The following APBA3 variants were observed in gnomAD, a reference collection of about 807,000 sequenced individuals.
APBA3 encodes the protein amyloid beta precursor protein binding family A member 3.
A neutral mutation model predicts 55.9 loss-of-function variants in APBA3; 45 were observed. The observed-to-expected ratio is 0.80, with a 90% CI of 0.63 to 1.03. The LOEUF (loss-of-function observed/expected upper bound fraction) is 1.03, where lower values mean the gene tolerates loss of function less well. APBA3 is among the 50% of genes least tolerant of loss of function. APBA3 has a pLI of 0.00. For missense variants in APBA3, 865 were observed against 820.3 expected, an observed-to-expected ratio of 1.05 and a Z score of -0.67; for synonymous variants, 370 against 353.3, an observed-to-expected ratio of 1.05 and a Z score of -0.53.
At chr19:3,751,398 A>C (rs2145715003) in intron 9 of APBA3, 36 bp downstream of exon 9, 2 of 1,510,678 alleles carry the variant, frequency 1.3e-6, no homozygotes, top group Non-Finnish European at 1.8e-6. Flanking sequence ...GGGCCGCCCT[A>C]CCCCCCCACC....
At chr19:3,752,008 A>G (rs1190186612) in intron 8 of APBA3, 3 of 194,728 alleles carry the variant, frequency 1.5e-5, no homozygotes, top group Non-Finnish European at 3.1e-5. Flanking sequence ...CCAGGAGCTC[A>G]AGACCAGCCT....
chr19:3,754,733 C>T (rs57394966), intron 3 of APBA3: 4,863 of 174,888 alleles, frequency 0.028, 280 homozygotes, highest in African/African-American at 0.11. Flanking sequence ...GTGGTGTGAT[C>T]TCAGCTCACT....
chr19:3,755,837 T>A (rs2368928), intron 3 of APBA3: 1 of 149,892 alleles, frequency 6.7e-6, no homozygotes, highest in African/African-American at 2.5e-5. Flanking sequence ...AGCTTTACTC[T>A]CATGGTTCTA....
chr19:3,751,332 G>C lies in APBA3; in HGVS notation c.1516-3C>G, dbSNP rs1171450133. 1 of 1,531,678 alleles carries C rather than the reference G, an allele frequency of 6.5e-7. No homozygotes were observed. Among genetic ancestry groups the C allele is most frequent in the Admixed American group, 2.0e-5 (1 of 50,862 alleles). The allele number at this position is 1,531,678 out of a possible 1,614,324, so 94.9% of individuals were successfully genotyped here. ...CCACCACGGAGGAGGCTGCAGATCT[G>C]GGGGAGAAAAGAGGGGGACGGGAAA... is the stretch of plus-strand genomic sequence containing the variant. On this transcript the variant is annotated splice_region_variant and splice_polypyrimidine_tract_variant and intron_variant, in intron 9 of 10. Transcript: ENST00000316757.
rs765233251 is a variant in APBA3, at chr19:3,760,015, G to A, written c.250C>T (p.His84Tyr). ...GCCAGGCCATGGCCTGTGGCAATGT[G>A]TAGGGGACAGGGGGCTCCACCTGGG... is the stretch of plus-strand genomic sequence containing the variant. Reference protein sequence around the residue: ...PSPGGAPCPLHIATGHGLASQ... With the variant: ...PSPGGAPCPLYIATGHGLASQ... Residue 84 changes from histidine (H) to tyrosine (Y), a missense_variant, in exon 2 of 11, where the codon CAC becomes TAC. Transcript: ENST00000316757. 2 of 1,612,956 alleles carry A rather than the reference G, an allele frequency of 1.2e-6. No individual in the cohort carries two copies. Among genetic ancestry groups the A allele is most frequent in the South Asian group, 2.2e-5 (2 of 91,070 alleles).
chr19:3,759,944 A>G lies in APBA3; in HGVS notation c.321T>C (p.Ala107=), dbSNP rs914827827. 16 of 1,609,820 alleles carry G rather than the reference A, an allele frequency of 9.9e-6. No homozygotes were observed. Among genetic ancestry groups the G allele is most frequent in the Non-Finnish European group, 1.3e-5 (15 of 1,178,974 alleles). ...ADAHGLLSAE[A]GRDDLLGLLH... ...AGAGGCCCAGCAGGTCATCCCGGCC[A>G]GCTTCGGCAGACAGGAGCCCGTGGG... Residue 107 remains alanine, a synonymous_variant, in exon 2 of 11, where the codon GCT becomes GCC. Coordinates refer to ENST00000316757, the MANE Select transcript of APBA3 (RefSeq NM_004886.4).
rs200604142 is a variant in APBA3 at position 3,759,929 on chromosome 19, C to A, written c.336G>T (p.Leu112=). Residue 112 remains leucine, a synonymous_variant, in exon 2 of 11, where the codon CTG becomes CTT. Transcript: ENST00000316757. ...ATTCCTCGCAGTGCAAGAGGCCCAG[C>A]AGGTCATCCCGGCCAGCTTCGGCAG... The part of the protein sequence containing the change: ...LLSAEAGRDD[L]LGLLHCEECP... 1 of 1,610,968 alleles carries A rather than the reference C, an allele frequency of 6.2e-7. No homozygotes were observed. The highest frequency in any genetic ancestry group is 1.3e-5 in the African/African-American group (1 of 74,860).
At chr19:3,753,425 T>C in intron 6 of APBA3, 2 of 355,518 alleles carry the variant, frequency 5.6e-6, no homozygotes, top group Non-Finnish European at 1.0e-5. Context: ...GGTGGATCGC[T>C]TGAGCCCAGG....
At chr19:3,753,326 G>T in intron 6 of APBA3, 1 of 436,280 alleles carries the variant, frequency 2.3e-6, no homozygotes, top group African/African-American at 2.0e-5. Flanking sequence ...GCAAGGTTTC[G>T]GGGAGTCGGC....
chr19:3,759,836 C>T lies in APBA3; in HGVS notation c.429G>A (p.Glu143=), dbSNP rs1408296448. The change falls in exon 2 of 11, where the codon GAG becomes GAA. Residue 143 remains glutamate (E), a synonymous_variant. Transcript: ENST00000316757. ...EPAPRLLQPP[E]DPDEDSDSPE... ...GGGAGTCAGAATCCTCATCTGGGTC[C>T]TCAGGGGGCTGCAACAGTCGGGGGG... 7 of 1,612,686 alleles carry T rather than the reference C, an allele frequency of 4.3e-6. No individual in the cohort carries two copies. The highest frequency in any genetic ancestry group is 5.1e-6 in the Non-Finnish European group (6 of 1,179,872).
At chr19:3,760,763 A>AC (rs1367682319) in intron 1 of APBA3, among the ~76,000 whole-genome samples, 5 of 150,146 alleles carry the variant, frequency 3.3e-5, no homozygotes, top group Non-Finnish European at 5.9e-5. Context: ...AAAAAAAAAA[A>AC]CTAGCTAGGG....
In APBA3 at chr19:3,757,402, C is replaced by T. The variant is rs371421061; in HGVS notation, c.616+2159G>A. On this transcript the variant is annotated intron_variant, in intron 3 of 10. Transcript: ENST00000316757. The stretch of plus-strand genomic sequence containing the variant: ...GATTACAGATGTGAGCCACCCTTCC[C>T]GGCCAGAACTTACTATCTGACCTAT... 3.9e-5 allele frequency among the ~76,000 whole-genome samples: 6 copies of T among 152,202 alleles called. No homozygotes were observed. In the South Asian group the frequency reaches 6.2e-4, roughly 16 times the overall value.
chr19:3,759,550 G>A lies in APBA3; in HGVS notation c.616+11C>T, dbSNP rs373714311. ...TTCAGTGCCTGAGGCTAGGGTGGGC[G>A]GGACACTCACCCTCCTGGGGGGCAG... is the stretch of plus-strand genomic sequence containing the variant. On this transcript the variant is annotated intron_variant, in intron 3 of 10. Coordinates refer to ENST00000316757, the MANE Select transcript of APBA3 (RefSeq NM_004886.4). 107 of 1,593,576 alleles carry A rather than the reference G, an allele frequency of 6.7e-5. No individual in the cohort carries two copies. The highest frequency in any genetic ancestry group is 5.8e-4 in the African/African-American group (43 of 74,464).
chr19:3,753,401 G>C, intron 6 of APBA3: 1 of 352,040 alleles, frequency 2.8e-6, no homozygotes, highest in Non-Finnish European at 5.2e-6. Flanking sequence ...GCAGCACTTT[G>C]GGAGGCTGAG....
At chr19:3,752,393 G>T in intron 8 of APBA3, 115 bp downstream of exon 8, 1 of 1,012,274 alleles carries the variant, frequency 9.9e-7, no homozygotes, top group Non-Finnish European at 1.4e-6. Context: ...GGACTTAAAA[G>T]TTCGACTTTG....
intron 3 of APBA3, among the ~76,000 whole-genome samples, chr19:3,758,833 A>G (rs1235356020): frequency 6.6e-6 from 1 of 151,976 alleles, no homozygotes; most frequent in Non-Finnish European, 1.5e-5. Context: ...AGCCGGGATC[A>G]CGCCACTGCA....
intron 3 of APBA3, chr19:3,754,811 C>T (rs113549166): frequency 0.016 from 2,466 of 153,846 alleles, 60 homozygotes; most frequent in African/African-American, 0.056. Flanking sequence ...GGATTACAGG[C>T]GCCCACCACC....
Position 3,759,805 on chromosome 19 carries a change from A to C in APBA3, c.460T>G (p.Trp154Gly). ...TGCTCAGCAGAGGCCCCCTCCACCCATTCTGGGGAGTCAGAATCCTCATCT... is the reference window on the plus strand; with the variant it reads ...TGCTCAGCAGAGGCCCCCTCCACCCCTTCTGGGGAGTCAGAATCCTCATCT... ...DPDEDSDSPEWVEGASAEQEG... is the reference protein window; with the variant it reads ...DPDEDSDSPEGVEGASAEQEG... Residue 154 changes from tryptophan to glycine, a missense_variant, in exon 2 of 11, where the codon TGG becomes GGG. By Grantham distance (184) the Trp-to-Gly change is radical. Transcript: ENST00000316757. 6.2e-7 allele frequency: 1 copy of C among 1,612,644 alleles called. No homozygotes were observed. Among genetic ancestry groups the C allele is most frequent in the South Asian group, 1.1e-5 (1 of 91,054 alleles).
chr19:3,753,997 G>C, intron 5 of APBA3, 22 bp downstream of exon 5: 1 of 1,599,534 alleles, frequency 6.3e-7, no homozygotes, highest in East Asian at 2.3e-5. Context: ...CCGCATCCCT[G>C]GGGCGGGTCC....
Sources: allele counts gnomAD v4.1 joint callset (sites outside exome capture counted in the v4.1 genomes callset), GRCh38; gene constraint gnomAD v4.1.1; transcripts MANE v1.5; gene names NCBI Gene and HGNC (gene_info 2026-07-23, HGNC 2026-07-21).